Variants in ATG10 observed in about 807,000 individuals in gnomAD.
ATG10 encodes the protein ubiquitin-like-conjugating enzyme ATG10.
Under a neutral mutation model 32.1 loss-of-function variants are expected in ATG10, and 30 were observed. The ratio of observed to expected loss-of-function variants is 0.94; its 90% CI spans 0.70 to 1.27. The LOEUF (loss-of-function observed/expected upper bound fraction) is 1.27, where lower values mean the gene tolerates loss of function less well. Ranked by LOEUF, ATG10 falls within the 50% of genes most tolerant of loss-of-function variation. The pLI is 0.00. For synonymous variants in ATG10, 87 were observed against 91.5 expected (o/e 0.95, Z 0.28); for missense variants, 233 against 262.3 (o/e 0.89, Z 0.77).
rs1209942045 is a variant in ATG10, at chr5:82,255,377, A to T, written c.*1314A>T. On this transcript the variant is annotated 3_prime_UTR_variant, in exon 8 of 8. Coordinates refer to ENST00000282185, the MANE Select transcript of ATG10 (RefSeq NM_031482.5). ...TTCATAGCCAGTTAAGTATTAAGAT[A>T]AACCTAACCTGGAACAATTTTTTTT... 1 of 152,246 alleles carries T rather than the reference A, an allele frequency of 6.6e-6. No individual in the cohort carries two copies. Among genetic ancestry groups the T allele is most frequent in the African/African-American group, 2.4e-5 (1 of 41,466 alleles). The allele number at this position is 152,246 out of a possible 1,614,324, so 9.4% of individuals were successfully genotyped here.
chr5:82,062,930 CTCTT>C (rs1403406431), intron 3 of ATG10, among the ~76,000 whole-genome samples: 1 of 152,196 alleles, frequency 6.6e-6, no homozygotes, highest in Non-Finnish European at 1.5e-5. Flanking sequence ...CTTAAGTTCT[CTCTT>C]TCTTCATCAT....
chr5:82,221,328 T>C (rs1745917069), intron 5 of ATG10, among the ~76,000 whole-genome samples: 1 of 152,232 alleles, frequency 6.6e-6, no homozygotes, highest in Non-Finnish European at 1.5e-5. Flanking sequence ...TATTTTGTTT[T>C]GTTTTGGGAA....
At chr5:82,172,844 T>C (rs2149913519) in intron 4 of ATG10, among the ~76,000 whole-genome samples, 1 of 152,312 alleles carries the variant, frequency 6.6e-6, no homozygotes, top group East Asian at 1.9e-4. Context: ...TAAATAAAAG[T>C]TACAGAATTA....
chr5:82,249,727 A>T (rs999533173), intron 5 of ATG10, among the ~76,000 whole-genome samples: 2 of 152,236 alleles, frequency 1.3e-5, no homozygotes, highest in African/African-American at 4.8e-5. Context: ...CATAGAGCTC[A>T]TGCATGTGCT....
chr5:81,984,464 A>G (rs904302224), intron 1 of ATG10, among the ~76,000 whole-genome samples: 17 of 152,216 alleles, frequency 1.1e-4, no homozygotes, highest in Non-Finnish European at 1.9e-4. Context: ...ATTGTTTAGG[A>G]TCAGATGAGA....
chr5:82,214,286 A>G (rs1384921133), intron 5 of ATG10, among the ~76,000 whole-genome samples: 2 of 152,324 alleles, frequency 1.3e-5, no homozygotes, highest in Non-Finnish European at 2.9e-5. Context: ...ATTTGCCACT[A>G]AAGAATGTGC....
At chr5:82,146,625 T>C (rs1767371681) in intron 3 of ATG10, among the ~76,000 whole-genome samples, 1 of 151,620 alleles carries the variant, frequency 6.6e-6, no homozygotes, top group Admixed American at 6.6e-5. Context: ...TTTTTTTTTT[T>C]CTTATCTTCA....
At chr5:82,124,860 TG>T (rs1766195508) in intron 3 of ATG10, among the ~76,000 whole-genome samples, 2 of 152,274 alleles carry the variant, frequency 1.3e-5, no homozygotes, top group South Asian at 4.1e-4. Flanking sequence ...CTTGAGGAAT[TG>T]CCACACTGTC....
At chr5:82,122,988 C>G (rs1189198469) in intron 3 of ATG10, among the ~76,000 whole-genome samples, 1 of 152,204 alleles carries the variant, frequency 6.6e-6, no homozygotes, top group Non-Finnish European at 1.5e-5. Context: ...TACATTCAAT[C>G]CAGTAATCCC....
At chr5:82,008,961 T>C (rs1762055697) in intron 2 of ATG10, among the ~76,000 whole-genome samples, 1 of 152,232 alleles carries the variant, frequency 6.6e-6, no homozygotes, top group Admixed American at 6.5e-5. Context: ...CTCAGCATGA[T>C]AGCTCATTTT....
chr5:81,974,732 C>T (rs1403757449), intron 1 of ATG10, among the ~76,000 whole-genome samples: 1 of 152,186 alleles, frequency 6.6e-6, no homozygotes, highest in Non-Finnish European at 1.5e-5. Flanking sequence ...CCTCCTGCCT[C>T]AGCCTCCTGA....
chr5:82,004,102 CAG>C (rs76030242), intron 2 of ATG10, among the ~76,000 whole-genome samples: 9,536 of 151,210 alleles, frequency 0.063, 378 homozygotes, highest in Non-Finnish European at 0.09. Flanking sequence ...TACTGCATTC[CAG>C]CCTGCTCTGT....
intron 1 of ATG10, among the ~76,000 whole-genome samples, chr5:81,980,879 T>C (rs1229998915): frequency 6.6e-6 from 1 of 152,132 alleles, no homozygotes; most frequent in African/African-American, 2.4e-5. Context: ...TCTGTTTCTC[T>C]GAAGGGAATG....
intron 3 of ATG10, among the ~76,000 whole-genome samples, chr5:82,144,572 G>C (rs1038684513): frequency 5.3e-5 from 8 of 151,314 alleles, no homozygotes; most frequent in African/African-American, 1.9e-4. Flanking sequence ...TGACCCATGG[G>C]TTATTTAGAA....
At chr5:82,085,287 C>CTA (rs1160154553) in intron 3 of ATG10, among the ~76,000 whole-genome samples, 2 of 151,716 alleles carry the variant, frequency 1.3e-5, no homozygotes, top group Non-Finnish European at 2.9e-5. Context: ...GCTAACACTC[C>CTA]TATATATATA....
At chr5:82,213,587 T>C (rs1248124060) in intron 5 of ATG10, among the ~76,000 whole-genome samples, 1 of 152,222 alleles carries the variant, frequency 6.6e-6, no homozygotes, top group Non-Finnish European at 1.5e-5. Context: ...AATGAGAATA[T>C]TACCTGGTGA....
At chr5:82,192,530 A>G (rs1744702721) in intron 5 of ATG10, among the ~76,000 whole-genome samples, 1 of 152,188 alleles carries the variant, frequency 6.6e-6, no homozygotes, top group South Asian at 2.1e-4. Context: ...ACTTATTAGC[A>G]GTGTGACCGA....
intron 2 of ATG10, among the ~76,000 whole-genome samples, chr5:82,011,939 G>A (rs1762137818): frequency 6.6e-6 from 1 of 152,128 alleles, no homozygotes; most frequent in African/African-American, 2.4e-5. Flanking sequence ...TTCCTATTAT[G>A]GTGCTGGTTG....
At chr5:82,088,654 G>T (rs1764771211) in intron 3 of ATG10, among the ~76,000 whole-genome samples, 1 of 152,162 alleles carries the variant, frequency 6.6e-6, no homozygotes, top group Non-Finnish European at 1.5e-5. Context: ...AAGGCTTCGT[G>T]TGACTGATTG....
Sources: gnomAD v4.1 joint callset for allele counts (sites outside exome capture counted in the v4.1 genomes callset) on GRCh38, gnomAD v4.1.1 for gene constraint, MANE v1.5 for transcripts, NCBI Gene and HGNC (gene_info 2026-07-23, HGNC 2026-07-21) for gene names.